JMY: variants seen among roughly 807,000 people sequenced by gnomAD.
The protein encoded by JMY is junction mediating and regulatory protein, p53 cofactor, also known as junction-mediating and -regulatory protein.
A neutral mutation model predicts 103.3 loss-of-function variants in JMY; 46 were observed. The ratio of observed to expected loss-of-function variants is 0.45; its 90% CI spans 0.35 to 0.57. The LOEUF is 0.57. JMY is among the 20% of genes least tolerant of loss of function. JMY has a pLI of 0.00. For missense variants in JMY, 1,238 were observed against 1,255.2 expected, an observed-to-expected ratio of 0.99 and a Z score of 0.21; for synonymous variants, 526 against 489.3, an observed-to-expected ratio of 1.07 and a Z score of -0.99.
rs541514797 is a variant in JMY, at chr5:79,308,576, C to T, written c.1968+2115C>T. On this transcript the variant is annotated intron_variant, in intron 7 of 10. Coordinates refer to ENST00000396137, the MANE Select transcript of JMY (RefSeq NM_152405.5). ...TGTTTTGTTCATCTAGGTCTTTTGC[C>T]TCTCCATATAAGCTTTAGAATCAGC... Among the ~76,000 whole-genome samples, 111 of 152,176 alleles carry T rather than the reference C, an allele frequency of 7.3e-4. 1 individual carries two copies. The highest frequency in any genetic ancestry group is 2.4e-3 in the African/African-American group (99 of 41,510).
At chr5:79,276,276 G>A (rs1485333574) in intron 1 of JMY, among the ~76,000 whole-genome samples, 1 of 151,144 alleles carries the variant, frequency 6.6e-6, no homozygotes, top group African/African-American at 2.4e-5. Flanking sequence ...GTGCCACCAC[G>A]CCTGGCTGAT....
chr5:79,251,047 T>G (rs1745070396), intron 1 of JMY, among the ~76,000 whole-genome samples: 2 of 152,230 alleles, frequency 1.3e-5, no homozygotes, highest in Admixed American at 1.3e-4. Context: ...AAGAAGAGTA[T>G]GTAGGTATTT....
intron 1 of JMY, among the ~76,000 whole-genome samples, chr5:79,250,537 T>C (rs1384996957): frequency 6.6e-6 from 1 of 152,136 alleles, no homozygotes; most frequent in East Asian, 1.9e-4. Flanking sequence ...ATTAAAGAAA[T>C]GGTAAGCATT....
chr5:79,300,089 A>C (rs1309950268), intron 4 of JMY, 64 bp from the exon 5 acceptor site: 1 of 1,372,782 alleles, frequency 7.3e-7, no homozygotes, highest in Non-Finnish European at 1.0e-6. Context: ...ATTAATTTTT[A>C]ATACTAACTC....
chr5:79,247,664 A>T (rs1045133295), intron 1 of JMY, among the ~76,000 whole-genome samples: 1 of 150,744 alleles, frequency 6.6e-6, no homozygotes, highest in Non-Finnish European at 1.5e-5. Flanking sequence ...TTATTTATTT[A>T]TTTTTTGAGG....
chr5:79,283,375 G>C (rs1396659303), intron 2 of JMY, among the ~76,000 whole-genome samples: 1 of 152,172 alleles, frequency 6.6e-6, no homozygotes, highest in Non-Finnish European at 1.5e-5. Context: ...TTTATGAAGA[G>C]CTTGATTTCC....
chr5:79,244,995 T>C (rs1744848135), intron 1 of JMY, among the ~76,000 whole-genome samples: 2 of 151,944 alleles, frequency 1.3e-5, no homozygotes, highest in East Asian at 3.9e-4. Flanking sequence ...AAATTTGGAG[T>C]TGTTTTCCTA....
chr5:79,278,962 G>C (rs995259493), intron 2 of JMY, among the ~76,000 whole-genome samples: 1 of 152,066 alleles, frequency 6.6e-6, no homozygotes, highest in African/African-American at 2.4e-5. Context: ...AGAAGAACTT[G>C]TTAGGAAAGT....
intron 1 of JMY, among the ~76,000 whole-genome samples, chr5:79,273,632 A>C (rs1745848291): frequency 6.6e-6 from 1 of 152,272 alleles, no homozygotes; most frequent in East Asian, 1.9e-4. Context: ...ACTTCAGTTC[A>C]ATATATGTTA....
intron 1 of JMY, among the ~76,000 whole-genome samples, chr5:79,251,343 C>G (rs534282973): frequency 2.0e-5 from 3 of 152,160 alleles, no homozygotes; most frequent in African/African-American, 4.8e-5. Flanking sequence ...GTGATCCTCC[C>G]ATCTCAGGCT....
In JMY at chr5:79,257,074, T is replaced by A. The variant is rs112933718; in HGVS notation, c.1032+19392T>A. Among the ~76,000 whole-genome samples, 3 of 151,708 alleles carry A rather than the reference T, an allele frequency of 2.0e-5. No individual in the cohort carries two copies. In the South Asian group the frequency reaches 6.2e-4, roughly 32 times the overall value. ...TTATTATTATTATTTTATTTGATTTTATTTTTTTTTTTGAGATGGAGTCTC... is the reference window on the plus strand; with the variant it reads ...TTATTATTATTATTTTATTTGATTTAATTTTTTTTTTTGAGATGGAGTCTC... On this transcript the variant is annotated intron_variant, in intron 1 of 10. Transcript: ENST00000396137.
At position 79,314,335 on chromosome 5, in the gene JMY, G is replaced by A. The variant is rs146497629; in HGVS notation, c.2143G>A (p.Val715Ile). 2.5e-5 allele frequency: 40 copies of A among 1,614,194 alleles called. No individual in the cohort carries two copies. The East Asian group carries it at 7.8e-4, about 31-fold the overall frequency. ...HARRKGAASPVLQEDHCDSLP... is the reference protein window; with the variant it reads ...HARRKGAASPILQEDHCDSLP... ...AAGAAGAAAAGGTGCAGCAAGTCCT[G>A]TTCTCCAAGAGGATCATTGTGACTC... Residue 715 changes from valine (V) to isoleucine (I), a missense_variant, in exon 9 of 11, where the codon GTT becomes ATT. By Grantham distance (29) the Val-to-Ile change is conservative. Transcript: ENST00000396137.
intron 4 of JMY, among the ~76,000 whole-genome samples, chr5:79,298,897 T>G (rs1746644300): frequency 6.6e-6 from 1 of 150,478 alleles, no homozygotes; most frequent in Non-Finnish European, 1.5e-5. Flanking sequence ...AAACGTATTC[T>G]TTTTATGTGC....
intron 10 of JMY, among the ~76,000 whole-genome samples, chr5:79,321,026 G>C (rs1050232733): frequency 6.6e-6 from 1 of 152,150 alleles, no homozygotes; most frequent in African/African-American, 2.4e-5. Flanking sequence ...AGTCACACTA[G>C]ACACATATCA....
Position 79,313,636 on chromosome 5 carries a change from G to A in JMY, c.2065-621G>A, listed in dbSNP as rs567785611. Reference sequence around the variant, plus strand: ...ATAGGAAACTTTTTGCATACCAGTAGCATTTATACATTTGACATCACTTAT... The same window carrying A: ...ATAGGAAACTTTTTGCATACCAGTAACATTTATACATTTGACATCACTTAT... On this transcript the variant is annotated intron_variant, in intron 8 of 10. Coordinates refer to ENST00000396137, the MANE Select transcript of JMY (RefSeq NM_152405.5). Among the ~76,000 whole-genome samples the A allele has an allele frequency of 1.2e-4, 18 of 152,216 alleles. No homozygotes were observed. In the East Asian group the frequency reaches 3.5e-3, roughly 29 times the overall value.
chr5:79,273,547 G>A (rs542851769), intron 1 of JMY, among the ~76,000 whole-genome samples: 1 of 152,272 alleles, frequency 6.6e-6, no homozygotes, highest in East Asian at 1.9e-4. Flanking sequence ...TGCATGTGTA[G>A]ATTTATGTCT....
chr5:79,253,223 T>TTTG (rs565872006), intron 1 of JMY, among the ~76,000 whole-genome samples: 11 of 152,220 alleles, frequency 7.2e-5, no homozygotes, highest in African/African-American at 2.2e-4. Context: ...TGTTGTTTCT[T>TTTG]TTGTTGTTGT....
At chr5:79,306,855 C>A (rs1483495886) in intron 7 of JMY, among the ~76,000 whole-genome samples, 1 of 152,124 alleles carries the variant, frequency 6.6e-6, no homozygotes, top group Non-Finnish European at 1.5e-5. Flanking sequence ...TGACATGAAT[C>A]TGCTATTATA....
Position 79,270,627 on chromosome 5 carries a change from A to G in JMY, c.1033-7283A>G, listed in dbSNP as rs1224098066. Among the ~76,000 whole-genome samples the G allele has an allele frequency of 7.1e-5, 10 of 140,274 alleles. No homozygotes were observed. The East Asian group carries it at 1.2e-3, about 17-fold the overall frequency. The allele number at this position is 140,274 out of a possible 152,430, so 92.0% of individuals were successfully genotyped here. A position where few individuals can be genotyped will look rare whatever the true frequency, so the allele number is the denominator to read the frequency against. The stretch of plus-strand genomic sequence containing the variant: ...ATTTACATAAATGTTTATATAAAAT[A>G]TATTTACATAAATATTTATATAAAA... On this transcript the variant is annotated intron_variant, in intron 1 of 10. Transcript: ENST00000396137.
Sources: gnomAD v4.1 joint callset for allele counts (sites outside exome capture counted in the v4.1 genomes callset) on GRCh38, gnomAD v4.1.1 for gene constraint, MANE v1.5 for transcripts, NCBI Gene and HGNC (gene_info 2026-07-23, HGNC 2026-07-21) for gene names.